The following IFT172 variants were observed in gnomAD, a reference collection of about 807,000 sequenced individuals.
IFT172 encodes the protein intraflagellar transport protein 172 homolog.
Under a neutral mutation model 248.9 loss-of-function variants are expected in IFT172, and 164 were observed. The observed-to-expected ratio is 0.66, with a 90% confidence interval of 0.58 to 0.75. The LOEUF (loss-of-function observed/expected upper bound fraction) is 0.75, where lower values mean the gene tolerates loss of function less well. IFT172 is among the 30% of genes least tolerant of loss of function. The pLI is 0.00. For missense variants in IFT172, 1,950 were observed against 2,192.4 expected (o/e 0.89, Z 2.21); for synonymous variants, 729 against 791.6 (o/e 0.92, Z 1.33).
chr2:27,445,141 A>T lies in IFT172; in HGVS notation c.5069-36T>A, dbSNP rs755166593. 2 of 1,611,954 alleles carry T rather than the reference A, an allele frequency of 1.2e-6. No homozygotes were observed. The highest frequency in any genetic ancestry group is 1.7e-5 in the Admixed American group (1 of 59,786). ...AGAAAAAATGATGAACTGGGGTTTGAGAGAGATTGAGGAGGGAAAAATGAG... is the reference window on the plus strand; with the variant it reads ...AGAAAAAATGATGAACTGGGGTTTGTGAGAGATTGAGGAGGGAAAAATGAG... On this transcript the variant is annotated intron_variant, in intron 46 of 47. Coordinates refer to ENST00000260570, the MANE Select transcript of IFT172 (RefSeq NM_015662.3). This position sits in a 1 kb window ranked among gnomAD's most constrained non-coding sequence, Gnocchi z 4.4.
chr2:27,461,341 C>T lies in IFT172; in HGVS notation c.2370G>A (p.Glu790=), dbSNP rs1161092165. Residue 790 remains glutamate, a synonymous_variant, in exon 22 of 48, where the codon GAG becomes GAA. Coordinates refer to ENST00000260570, the MANE Select transcript of IFT172 (RefSeq NM_015662.3). ...CCAGCTCTGTGTTGGCTAGCAGTTCCTCTCGGGTCAGCACCAGCCGAGCAG... is the reference window on the plus strand; with the variant it reads ...CCAGCTCTGTGTTGGCTAGCAGTTCTTCTCGGGTCAGCACCAGCCGAGCAG... ...AKAARLVLTR[E]ELLANTELVE... is the part of the protein sequence containing the mutation. 6.2e-7 allele frequency: 1 copy of T among 1,614,040 alleles called. No homozygotes were observed. The highest frequency in any genetic ancestry group is 8.5e-7 in the Non-Finnish European group (1 of 1,180,030).
At position 27,444,435 on chromosome 2, in the gene IFT172, C is replaced by G. The variant is rs776552648; in HGVS notation, c.5247G>C (p.Gln1749His). The change falls in exon 48 of 48, where the codon CAG (glutamine) becomes CAC (histidine). Residue 1749 changes from glutamine (Q) to histidine (H), a missense_variant. By Grantham distance (24) the Gln-to-His change is conservative. This residue lies in a region of IFT172 where 620 missense variants were observed against 699.0 expected (regional missense o/e 0.89). Coordinates refer to ENST00000260570, the MANE Select transcript of IFT172 (RefSeq NM_015662.3). ...GGLPSTSFSF[Q>H] Reference sequence around the variant, plus strand: ...AACTCTTCCTCAGCTCTACCAACTACTGAAAGGAAAAGCTGGTGCTGGGGA... The same window carrying G: ...AACTCTTCCTCAGCTCTACCAACTAGTGAAAGGAAAAGCTGGTGCTGGGGA... The G allele has an allele frequency of 6.2e-7, 1 of 1,608,598 alleles. No individual in the cohort carries two copies. Among genetic ancestry groups the G allele is most frequent in the African/African-American group, 1.3e-5 (1 of 74,882 alleles).
rs984392535 is a variant in IFT172, at chr2:27,447,390, C to G, written c.4659+125G>C. ...AAGATTTGTTTAGACAGAAGAGAAG[C>G]TGAAAGACAGGTGGGGAGATTCAAG... On this transcript the variant is annotated intron_variant, in intron 42 of 47. Coordinates refer to ENST00000260570, the MANE Select transcript of IFT172 (RefSeq NM_015662.3). 16 of 1,383,472 alleles carry G rather than the reference C, an allele frequency of 1.2e-5. No individual in the cohort carries two copies. The African/African-American group carries it at 1.9e-4, about 16-fold the overall frequency. 85.7% of individuals were successfully genotyped at this position (1,383,472 alleles called of 1,614,324 possible).
intron 1 of IFT172, among the ~76,000 whole-genome samples, chr2:27,487,087 C>T (rs1461960556): frequency 6.6e-6 from 1 of 151,986 alleles, no homozygotes; most frequent in Non-Finnish European, 1.5e-5. Flanking sequence ...AGGCTATAGG[C>T]GTGTGCTACC....
At position 27,465,749 on chromosome 2, in the gene IFT172, A is replaced by C; in HGVS notation, c.1826T>G (p.Ile609Ser). The C allele has an allele frequency of 6.2e-7, 1 of 1,613,970 alleles. No homozygotes were observed. ...FGTAIDDGNYIRATAFLETLE... is the reference protein window; with the variant it reads ...FGTAIDDGNYSRATAFLETLE... The stretch of plus-strand genomic sequence containing the variant: ...TGGTTATTGGCCAGCCTCTCACCGG[A>C]TGTAGTTGCCATCATCAATGGCTGT... Residue 609 changes from isoleucine (I) to serine (S), a missense_variant, in exon 17 of 48, where the codon ATC becomes AGC. Physicochemically the swap from Ile to Ser is moderately radical, Grantham distance 142. This residue lies in a region of IFT172 where 1,166 missense variants were observed against 1,254.1 expected (regional missense o/e 0.93). Transcript: ENST00000260570.
In IFT172 at chr2:27,480,031, A is replaced by C; in HGVS notation, c.904T>G (p.Cys302Gly). The C allele has an allele frequency of 4.3e-6, 7 of 1,613,618 alleles. No homozygotes were observed. Among genetic ancestry groups the C allele is most frequent in the Non-Finnish European group, 5.9e-6 (7 of 1,179,738 alleles). Residue 302 changes from cysteine (C) to glycine (G), a missense_variant, in exon 9 of 48, where the codon TGT (cysteine) becomes GGT (glycine). Cys to Gly is a radical substitution (Grantham distance 159). Coordinates refer to ENST00000260570, the MANE Select transcript of IFT172 (RefSeq NM_015662.3). ...LAWKRDGSRL[C>G]VGTLCGGVEQ... ...AGGGATTACTAGTAACACACCACAC[A>C]GAGCCGTGAGCCATCCCGCTTCCAG... is the stretch of plus-strand genomic sequence containing the variant.
rs753725281 is a variant in IFT172, at chr2:27,457,883, G to A, written c.3069C>T (p.His1023=). Residue 1023 remains histidine (H), a synonymous_variant, in exon 28 of 48, where the codon CAC becomes CAT. Coordinates refer to ENST00000260570, the MANE Select transcript of IFT172 (RefSeq NM_015662.3). The part of the protein sequence containing the change: ...YDDMIRLVGK[H]HPDLLSDTHL... ...GTGTATCACTGAGGAGATCTGGATG[G>A]TGCTTCCCTACCAGGCGGATCATGT... 1 of 1,614,068 alleles carries A rather than the reference G, an allele frequency of 6.2e-7. No individual in the cohort carries two copies. The highest frequency in any genetic ancestry group is 1.3e-5 in the African/African-American group (1 of 74,914).
Position 27,463,114 on chromosome 2 carries a change from G to T in IFT172, c.2005C>A (p.Gln669Lys). The change falls in exon 19 of 48, where the codon CAA becomes AAA. Residue 669 changes from glutamine (Q) to lysine (K), a missense_variant. This residue lies in a region of IFT172 where 1,166 missense variants were observed against 1,254.1 expected (regional missense o/e 0.93). Transcript: ENST00000260570. ...ATACTTGCATATTCCCGGGATACTT[G>T]ATCTGCAATCTCATTGGTCTCATGC... ...FLHETNEIAD[Q>K]VSREYGGEGT... is the part of the protein sequence containing the mutation. The T allele has an allele frequency of 6.2e-7, 1 of 1,614,118 alleles. No individual in the cohort carries two copies. The highest frequency in any genetic ancestry group is 8.5e-7 in the Non-Finnish European group (1 of 1,180,016).
intron 16 of IFT172, chr2:27,466,161 T>C: frequency 2.6e-6 from 1 of 391,174 alleles, no homozygotes. Context: ...TAAGATATTC[T>C]TAAGGGATCT....
chr2:27,448,391 G>GTA (rs1665366497), intron 40 of IFT172, among the ~76,000 whole-genome samples: 1 of 152,208 alleles, frequency 6.6e-6, no homozygotes, highest in Non-Finnish European at 1.5e-5. Context: ...GAGCCACTGC[G>GTA]CCCGGCCAAC....
Position 27,449,746 on chromosome 2 carries a change from T to G in IFT172, c.4105A>C (p.Ile1369Leu). ...DLVKEAIDAF[I>L]EGEEWNKAKR... ...GCCTTGTTCCACTCCTCACCCTCGA[T>G]GAAAGCATCGATTGCTTCCTTGACA... The change falls in exon 37 of 48, where the codon ATC (isoleucine) becomes CTC (leucine). Residue 1369 changes from isoleucine (I) to leucine (L), a missense_variant. This residue lies in a region of IFT172 where 620 missense variants were observed against 699.0 expected (regional missense o/e 0.89). Coordinates refer to ENST00000260570, the MANE Select transcript of IFT172 (RefSeq NM_015662.3). 1 of 1,614,148 alleles carries G rather than the reference T, an allele frequency of 6.2e-7. No homozygotes were observed. Among genetic ancestry groups the G allele is most frequent in the Non-Finnish European group, 8.5e-7 (1 of 1,179,992 alleles).
chr2:27,479,465 G>A (rs1668198617), intron 10 of IFT172, 44 bp downstream of exon 10: 1 of 1,059,144 alleles, frequency 9.4e-7, no homozygotes. Flanking sequence ...AAGGAGGAAT[G>A]AGCCACGCAA....
Position 27,454,482 on chromosome 2 carries a change from G to C in IFT172, c.3466-64C>G, listed in dbSNP as rs1665989469. On this transcript the variant is annotated intron_variant, in intron 31 of 47. Transcript: ENST00000260570. The surrounding 1 kb of genome is among the most constrained non-coding windows in gnomAD (Gnocchi z 4.2). ...AGACTGGCATCACAGGCAGGCATGA[G>C]ACTGGGGGTCTGCACACCCAGCAGC... 1.2e-6 allele frequency: 2 copies of C among 1,612,350 alleles called. No individual in the cohort carries two copies. The highest frequency in any genetic ancestry group is 4.5e-5 in the East Asian group (2 of 44,878).
chr2:27,477,687 G>T, intron 11 of IFT172, 75 bp from the exon 12 acceptor site: 1 of 1,063,434 alleles, frequency 9.4e-7, no homozygotes. Context: ...AGAATGACAG[G>T]TTGGGAAGTG....
chr2:27,453,420 A>T lies in IFT172; in HGVS notation c.3915T>A (p.Ser1305=), dbSNP rs56076827. Residue 1305 remains serine (S), a synonymous_variant, in exon 35 of 48, where the codon TCT becomes TCA. Transcript: ENST00000260570. ...ACTTCTCCGCCAGGCCGCTGTTTCC[A>T]GAGTCTCGCACTTTGAGGTAGCAGT... ...AVDCYLKVRD[S]GNSGLAEKCW... The T allele has an allele frequency of 0.38, 617,716 of 1,613,866 alleles. 121,272 individuals are homozygous for T. Among genetic ancestry groups the T allele is most frequent in the Admixed American group, 0.51 (30,794 of 60,012 alleles).
chr2:27,454,703 C>G lies in IFT172; in HGVS notation c.3372-43G>C. The stretch of plus-strand genomic sequence containing the variant: ...GATAAAGTTTTCTTGCTTCATGCTT[C>G]CCTTCATAAAAGGAACAAGACAAAA... On this transcript the variant is annotated intron_variant, in intron 30 of 47. Coordinates refer to ENST00000260570, the MANE Select transcript of IFT172 (RefSeq NM_015662.3). This position sits in a 1 kb window ranked among gnomAD's most constrained non-coding sequence, Gnocchi z 4.2. The G allele has an allele frequency of 6.5e-7, 1 of 1,540,220 alleles. No homozygotes were observed. Among genetic ancestry groups the G allele is most frequent in the South Asian group, 1.1e-5 (1 of 89,098 alleles).
At chr2:27,446,950 C>T (rs569867099) in intron 42 of IFT172, among the ~76,000 whole-genome samples, 148 of 152,144 alleles carry the variant, frequency 9.7e-4, no homozygotes, top group African/African-American at 3.3e-3. Context: ...CCACCCGCCT[C>T]GGCCTCCCAA....
At position 27,461,534 on chromosome 2, in the gene IFT172, G is replaced by A; in HGVS notation, c.2194-17C>T. The A allele has an allele frequency of 1.9e-6, 3 of 1,612,002 alleles. No homozygotes were observed. Among genetic ancestry groups the A allele is most frequent in the South Asian group, 1.1e-5 (1 of 91,032 alleles). On this transcript the variant is annotated splice_polypyrimidine_tract_variant and intron_variant, in intron 21 of 47. Coordinates refer to ENST00000260570, the MANE Select transcript of IFT172 (RefSeq NM_015662.3). ...TGGGTGCCCCTGGACATGCACAGAG[G>A]ACAACTAGGAGTCACATCCCCCTTC...
rs200049734 is a variant in IFT172, at chr2:27,445,296, C to G, written c.5068G>C (p.Gly1690Arg). ...TCTGGGGTGCTGTAGGCTTCTATAC[C>G]TGTAATAAGGCAGGGCAGGGCTCGA... ...GVRALPCLIT[G>R]YPILRNKIEF... Residue 1690 changes from glycine to arginine, a missense_variant and splice_region_variant, in exon 46 of 48, where the codon GGA becomes CGA. By Grantham distance (125) the Gly-to-Arg change is moderately radical. Around this residue, in one of 3 missense-constraint regions of IFT172, gnomAD observed 620 missense variants for 699.0 expected, o/e 0.89. Transcript: ENST00000260570. This position sits in a 1 kb window ranked among gnomAD's most constrained non-coding sequence, Gnocchi z 4.4. 86 of 1,610,640 alleles carry G rather than the reference C, an allele frequency of 5.3e-5. No homozygotes were observed. The highest frequency in any genetic ancestry group is 6.5e-5 in the Non-Finnish European group (77 of 1,178,034).
Sources: gnomAD v4.1 joint callset for allele counts (sites outside exome capture counted in the v4.1 genomes callset) on GRCh38, gnomAD v4.1.1 for gene constraint, gnomAD v4.1.1 regional missense constraint, Gnocchi (gnomAD v3.1) non-coding constraint, MANE v1.5 for transcripts, NCBI Gene and HGNC (gene_info 2026-07-23, HGNC 2026-07-21) for gene names.